TRPC7: variants seen among roughly 807,000 people sequenced by gnomAD.
TRPC7 encodes the protein transient receptor potential cation channel subfamily C member 7.
Under a neutral mutation model 90.1 loss-of-function variants are expected in TRPC7, and 42 were observed. That is an observed-to-expected ratio of 0.47 (90% CI 0.36 to 0.60). TRPC7 has a LOEUF of 0.60. TRPC7 is among the 20% of genes least tolerant of loss of function. The probability of loss-of-function intolerance (pLI) is 0.00; values close to 1 mark genes in which losing one functional copy is unlikely to be tolerated. For missense variants in TRPC7, 955 were observed against 1,112.3 expected (o/e 0.86, Z 2.01); for synonymous variants, 451 against 436.3 (o/e 1.03, Z -0.42).
At position 136,251,819 on chromosome 5, in the gene TRPC7, A is replaced by G; in HGVS notation, c.1409T>C (p.Leu470Ser). The change falls in exon 6 of 12, where the codon TTG becomes TCG. Residue 470 changes from leucine to serine, a missense_variant. By Grantham distance (145) the Leu-to-Ser change is moderately radical. Coordinates refer to ENST00000513104, the MANE Select transcript of TRPC7 (RefSeq NM_020389.3). ...EEGPREYVLHLWNLLDFGMLS... is the reference protein window; with the variant it reads ...EEGPREYVLHSWNLLDFGMLS... ...CATCCCGAAATCTAGCAGGTTCCAC[A>G]AGTGCAGCACGTACTCCCGTGGCCC... is the stretch of plus-strand genomic sequence containing the variant. The G allele has an allele frequency of 6.2e-7, 1 of 1,614,004 alleles. No homozygotes were observed. The highest frequency in any genetic ancestry group is 8.5e-7 in the Non-Finnish European group (1 of 1,179,880).
At chr5:136,273,003 C>A (rs368890012) in intron 4 of TRPC7, among the ~76,000 whole-genome samples, 1 of 152,300 alleles carries the variant, frequency 6.6e-6, no homozygotes, top group African/African-American at 2.4e-5. Context: ...TTTTCCCAGG[C>A]CACTAGGCAC....
chr5:136,247,027 A>C lies in TRPC7; in HGVS notation c.1844+444T>G, dbSNP rs1756363127. On this transcript the variant is annotated intron_variant, in intron 7 of 11. Transcript: ENST00000513104. The surrounding 1 kb of genome is among the most constrained non-coding windows in gnomAD (Gnocchi z 4.2). ...AGTCCTAACTTTACCCCCAAAGTTTACCACCACAAAATATCTCGCTTTTAT... is the reference window on the plus strand; with the variant it reads ...AGTCCTAACTTTACCCCCAAAGTTTCCCACCACAAAATATCTCGCTTTTAT... Among the ~76,000 whole-genome samples the C allele has an allele frequency of 1.4e-5, 2 of 143,242 alleles. No homozygotes were observed. The highest frequency in any genetic ancestry group is 1.3e-4 in the Admixed American group (2 of 14,880). The allele number at this position is 143,242 out of a possible 152,430, so 94.0% of individuals were successfully genotyped here. A position where few individuals can be genotyped will look rare whatever the true frequency, so the allele number is the denominator to read the frequency against.
chr5:136,340,184 C>A (rs933002926), intron 2 of TRPC7, among the ~76,000 whole-genome samples: 3 of 152,010 alleles, frequency 2.0e-5, no homozygotes, highest in African/African-American at 7.2e-5. Context: ...ATGGATGAAC[C>A]TAGAAGAATT....
chr5:136,296,159 G>A (rs1339027679), intron 3 of TRPC7, among the ~76,000 whole-genome samples: 1 of 152,108 alleles, frequency 6.6e-6, no homozygotes, highest in Non-Finnish European at 1.5e-5. Flanking sequence ...GGTGGGGCAG[G>A]ATTCACACAG....
chr5:136,266,220 C>A lies in TRPC7; in HGVS notation c.1345G>T (p.Gly449Ter), dbSNP rs12651770. ...TEMLIMKWVL[G>*]MIWSECKEIW... is the part of the protein sequence containing the mutation. ...AATAAAAATAGAGTGACTTGCTTACCTAAGACCCACTTCATAATGAGCATT... is the reference window on the plus strand; with the variant it reads ...AATAAAAATAGAGTGACTTGCTTACATAAGACCCACTTCATAATGAGCATT... The change falls in exon 5 of 12, where the codon GGA becomes TGA. Residue 449 changes from glycine (G) to a stop codon, truncating the protein, a stop_gained and splice_region_variant. Coordinates refer to ENST00000513104, the MANE Select transcript of TRPC7 (RefSeq NM_020389.3). LOFTEE classifies it high-confidence loss of function. The A allele has an allele frequency of 1.2e-6, 2 of 1,613,018 alleles. No individual in the cohort carries two copies. Among genetic ancestry groups the A allele is most frequent in the Non-Finnish European group, 1.7e-6 (2 of 1,179,010 alleles).
chr5:136,335,531 A>G (rs1957458326), intron 2 of TRPC7, among the ~76,000 whole-genome samples: 1 of 151,888 alleles, frequency 6.6e-6, no homozygotes. Context: ...TAGTGTGTAG[A>G]CTTTTGCAGT....
chr5:136,266,553 C>T (rs543226798), intron 4 of TRPC7, 117 bp from the exon 5 acceptor site: 13 of 895,172 alleles, frequency 1.5e-5, no homozygotes, highest in South Asian at 8.8e-5. Flanking sequence ...TGGACAGAAA[C>T]TGCTAACTGA....
chr5:136,283,084 C>T (rs1031659439), intron 3 of TRPC7, among the ~76,000 whole-genome samples: 2 of 152,218 alleles, frequency 1.3e-5, no homozygotes, highest in African/African-American at 4.8e-5. Context: ...GAGCCCCAGG[C>T]AGGGCCAGGC....
At chr5:136,303,637 C>T (rs1369095740) in intron 3 of TRPC7, 1 of 152,092 alleles carries the variant, frequency 6.6e-6, no homozygotes, top group Non-Finnish European at 1.5e-5. Flanking sequence ...GCCCGGGATT[C>T]CTCCTAAGCC....
At chr5:136,305,517 C>G (rs1236474371) in intron 3 of TRPC7, among the ~76,000 whole-genome samples, 1 of 152,144 alleles carries the variant, frequency 6.6e-6, no homozygotes, top group Admixed American at 6.5e-5. Context: ...TTTTCCCCCA[C>G]CCAGGACTGG....
At chr5:136,348,003 CCTT>C (rs1431272152) in intron 2 of TRPC7, among the ~76,000 whole-genome samples, 1 of 152,234 alleles carries the variant, frequency 6.6e-6, no homozygotes, top group Non-Finnish European at 1.5e-5. Flanking sequence ...ATGCACTAGT[CCTT>C]CTGCATTCAT....
intron 8 of TRPC7, among the ~76,000 whole-genome samples, chr5:136,230,337 C>T (rs957879524): frequency 1.3e-5 from 2 of 152,174 alleles, no homozygotes; most frequent in African/African-American, 4.8e-5. Flanking sequence ...GCCCCCTATT[C>T]CCACCTCTCA....
At chr5:136,229,770 C>G (rs1191592729) in intron 8 of TRPC7, among the ~76,000 whole-genome samples, 1 of 152,134 alleles carries the variant, frequency 6.6e-6, no homozygotes, top group South Asian at 2.1e-4. Flanking sequence ...TTTACTTTTT[C>G]TATATAAGAA....
rs1341223606 is a variant in TRPC7 at position 136,356,984 on chromosome 5, T to C, written c.404A>G (p.Gln135Arg). 10 of 1,612,374 alleles carry C rather than the reference T, an allele frequency of 6.2e-6. No homozygotes were observed. Among genetic ancestry groups the C allele is most frequent in the Non-Finnish European group, 8.5e-6 (10 of 1,179,766 alleles). The change falls in exon 2 of 12, where the codon CAG becomes CGG. Residue 135 changes from glutamine to arginine, a missense_variant. Around this residue, in one of 4 missense-constraint regions of TRPC7, gnomAD observed 484 missense variants for 509.6 expected, o/e 0.95. Transcript: ENST00000513104. ...TTCCAGCGGGCTGAGCGTCAGGCGCTGGCCCTGCGCGAAGGCCGGGTGGTT... is the reference window on the plus strand; with the variant it reads ...TTCCAGCGGGCTGAGCGTCAGGCGCCGGCCCTGCGCGAAGGCCGGGTGGTT... Reference protein sequence around the residue: ...ILNHPAFAQGQRLTLSPLEQE... With the variant: ...ILNHPAFAQGRRLTLSPLEQE...
intron 2 of TRPC7, among the ~76,000 whole-genome samples, chr5:136,320,539 G>A (rs1007800226): frequency 6.6e-6 from 1 of 152,062 alleles, no homozygotes; most frequent in African/African-American, 2.4e-5. Context: ...GGAGATTTTA[G>A]TTCCTGTCCT....
chr5:136,363,871 G>C (rs555208301), intron 1 of TRPC7, among the ~76,000 whole-genome samples: 1 of 152,240 alleles, frequency 6.6e-6, no homozygotes, highest in South Asian at 2.1e-4. Flanking sequence ...GAAGTTGGAA[G>C]TTATGAAACT....
chr5:136,360,731 C>A (rs894771177), intron 1 of TRPC7, among the ~76,000 whole-genome samples: 10 of 152,072 alleles, frequency 6.6e-5, no homozygotes, highest in Admixed American at 3.3e-4. Context: ...TGCATATAAG[C>A]AGATAATGGC....
At chr5:136,344,389 T>C (rs1321754049) in intron 2 of TRPC7, among the ~76,000 whole-genome samples, 2 of 152,154 alleles carry the variant, frequency 1.3e-5, no homozygotes, top group African/African-American at 2.4e-5. Flanking sequence ...TGACATGCAA[T>C]ATACCTACGT....
chr5:136,281,791 T>G (rs903457591), intron 3 of TRPC7, among the ~76,000 whole-genome samples: 2 of 152,216 alleles, frequency 1.3e-5, no homozygotes, highest in Admixed American at 6.5e-5. Flanking sequence ...GAAAATACAG[T>G]TCCAGTTTTT....
Sources: gnomAD v4.1 joint callset for allele counts (sites outside exome capture counted in the v4.1 genomes callset) on GRCh38, gnomAD v4.1.1 for gene constraint, gnomAD v4.1.1 regional missense constraint, Gnocchi (gnomAD v3.1) non-coding constraint, MANE v1.5 for transcripts, NCBI Gene and HGNC (gene_info 2026-07-23, HGNC 2026-07-21) for gene names.